PNMA6E: variants seen among roughly 807,000 people sequenced by gnomAD.
PNMA6E encodes paraneoplastic antigen Ma6E.
For missense variants in PNMA6E, 78 were observed against 50.8 expected, an observed-to-expected ratio of 1.53 and a Z score of -1.63; for synonymous variants, 43 against 17.1, an observed-to-expected ratio of 2.52 and a Z score of -3.74.
chrX:153,397,115 A>G lies in PNMA6E; in HGVS notation c.1735T>C (p.Trp579Arg). The part of the protein sequence containing the change: ...LGQARPIEVP[W>R]GSSPARMSSA... ...CTCATCCGGGCTGGGGAGGAGCCCC[A>G]GGGGACCTCTATGGGCCTTGCCTGA... Residue 579 changes from tryptophan to arginine, a missense_variant, in exon 2 of 2, where the codon TGG (tryptophan) becomes CGG (arginine). Coordinates refer to ENST00000445091, the MANE Select transcript of PNMA6E (RefSeq NM_001367770.1). The G allele has an allele frequency of 3.4e-6, 1 of 298,083 alleles. No individual in the cohort carries two copies. Among genetic ancestry groups the G allele is most frequent in the African/African-American group, 2.7e-5 (1 of 37,190 alleles). 24.6% of individuals were successfully genotyped at this position (298,083 alleles called of 1,213,427 possible).
intron 1 of PNMA6E, among the ~76,000 whole-genome samples, chrX:153,401,016 C>T (rs1240944566): frequency 9.0e-6 from 1 of 110,798 alleles, no homozygotes; most frequent in Non-Finnish European, 1.9e-5. Context: ...CTCCTTCCAA[C>T]CGCCCTCCCG....
At chrX:153,402,697 T>C (rs1556971598), upstream of PNMA6E, among the ~76,000 whole-genome samples, 1 of 112,532 alleles carries the variant, frequency 8.9e-6, no homozygotes, top group East Asian at 2.8e-4. Context: ...AGTCTTTCTG[T>C]AGCATTTATT....
intron 1 of PNMA6E, among the ~76,000 whole-genome samples, chrX:153,400,895 G>A (rs2124273398): frequency 9.7e-6 from 1 of 103,076 alleles, no homozygotes; most frequent in East Asian, 3.2e-4. Flanking sequence ...CACTGGGCGA[G>A]TCACCCTCCC....
At chrX:153,399,108 T>C (rs1453224838) in intron 1 of PNMA6E, among the ~76,000 whole-genome samples, 188 bp from the exon 2 acceptor site, 3 of 112,374 alleles carry the variant, frequency 2.7e-5, no homozygotes, top group African/African-American at 9.7e-5. Context: ...TAGTCACATT[T>C]TCTATGCTAC....
chrX:153,407,988 A>T, the PNMA6E span, among the ~76,000 whole-genome samples: 2 of 111,962 alleles, frequency 1.8e-5, no homozygotes, highest in Non-Finnish European at 3.8e-5. Context: ...CCAAGACTTG[A>T]GGTTGGAAAG....
upstream of PNMA6E, among the ~76,000 whole-genome samples, chrX:153,404,782 T>C (rs1053668314): frequency 1.2e-3 from 139 of 112,013 alleles, no homozygotes; most frequent in African/African-American, 4.4e-3. Context: ...CCCTCATGCT[T>C]TCCCTCTCCC....
chrX:153,411,920 A>T, the PNMA6E span, among the ~76,000 whole-genome samples: 7 of 112,559 alleles, frequency 6.2e-5, no homozygotes, highest in Non-Finnish European at 1.1e-4. Context: ...GGGCGCTGGG[A>T]GCTGCGGCCC....
In PNMA6E at chrX:153,398,777, C is replaced by T. The variant is rs1288242733; in HGVS notation, c.73G>A (p.Gly25Ser). 9.9e-6 allele frequency: 3 copies of T among 304,124 alleles called. No individual in the cohort carries two copies. The highest frequency in any genetic ancestry group is 1.7e-5 in the Non-Finnish European group (3 of 173,867). 25.1% of individuals were successfully genotyped at this position (304,124 alleles called of 1,213,427 possible). A position where few individuals can be genotyped will look rare whatever the true frequency, so the allele number is the denominator to read the frequency against. The change falls in exon 2 of 2, where the codon GGT (glycine) becomes AGT (serine). Residue 25 changes from glycine to serine, a missense_variant. Transcript: ENST00000445091. ...TGTTCCTTGCAGTCATCAGGGATAC[C>T]CAGGATGAGCAGGGAGCGCTCTGCG... ...ANAERSLLIL[G>S]IPDDCKEHEF...
the PNMA6E span, among the ~76,000 whole-genome samples, chrX:153,406,981 A>C: frequency 8.9e-6 from 1 of 112,607 alleles, no homozygotes; most frequent in Non-Finnish European, 1.9e-5. Flanking sequence ...GGCCTTTGAC[A>C]CAGGCGTGTT....
upstream of PNMA6E, chrX:153,404,097 C>T (rs1295818207): frequency 9.6e-6 from 1 of 104,048 alleles, no homozygotes; most frequent in Non-Finnish European, 2.0e-5. Context: ...CCCACCTCAG[C>T]CTCCCAAGTA....
At chrX:153,412,958 T>C in the PNMA6E span, among the ~76,000 whole-genome samples, 2 of 111,707 alleles carry the variant, frequency 1.8e-5, no homozygotes, top group African/African-American at 6.5e-5. Context: ...AGAGGACTTT[T>C]TCAGGCTAGG....
upstream of PNMA6E, among the ~76,000 whole-genome samples, chrX:153,403,617 A>G (rs1470125400): frequency 7.2e-5 from 8 of 111,742 alleles, no homozygotes; most frequent in African/African-American, 2.6e-4. Context: ...GAAAAAATTC[A>G]TAATCAGTGA....
At chrX:153,410,216 G>A in the PNMA6E span, among the ~76,000 whole-genome samples, 1 of 111,517 alleles carries the variant, frequency 9.0e-6, no homozygotes, top group Non-Finnish European at 1.9e-5. Context: ...AACTGTCCTT[G>A]GATTTGGGGC....
rs1367470338 is a variant in PNMA6E at position 153,396,313 on chromosome X, A to T, written c.*593T>A. On this transcript the variant is annotated 3_prime_UTR_variant, in exon 2 of 2. Transcript: ENST00000445091. ...AGCAAGCAGAGCCTGGGCTCGCAGG[A>T]AGCTCACAGCACGTGCCCCGGGCCC... is the stretch of plus-strand genomic sequence containing the variant. 1.6e-5 allele frequency: 2 copies of T among 121,467 alleles called. No individual in the cohort carries two copies. Among genetic ancestry groups the T allele is most frequent in the African/African-American group, 6.4e-5 (2 of 31,059 alleles). The allele number at this position is 121,467 out of a possible 1,213,427, so 10.0% of individuals were successfully genotyped here.
intron 1 of PNMA6E, among the ~76,000 whole-genome samples, chrX:153,400,624 G>A (rs782109115): frequency 1.1e-5 from 1 of 95,108 alleles, no homozygotes; most frequent in African/African-American, 4.1e-5. Flanking sequence ...CCTCCGCTCT[G>A]GTCGGCCCTC....
At chrX:153,409,301 C>T in the PNMA6E span, among the ~76,000 whole-genome samples, 1 of 113,064 alleles carries the variant, frequency 8.8e-6, no homozygotes, top group Non-Finnish European at 1.9e-5. Context: ...TCTTCCTCCC[C>T]AGGTTCTGAA....
chrX:153,410,361 C>T, the PNMA6E span, among the ~76,000 whole-genome samples: 1 of 111,923 alleles, frequency 8.9e-6, no homozygotes, highest in East Asian at 2.8e-4. Flanking sequence ...CAAGGGGCAC[C>T]AACCAGTCAC....
Position 153,398,139 on chromosome X carries a change from C to T in PNMA6E, c.711G>A (p.Glu237=), listed in dbSNP as rs2088823664. ...CTCCTGCCTCACCTGCTGCTCCTGC[C>T]TCACCTGCGCCTCCTGCCTCACCTG... ...GAAGEAGGAG[E]AGAAGEAGGA... is the part of the protein sequence containing the mutation. Residue 237 remains glutamate (E), a synonymous_variant, in exon 2 of 2, where the codon GAG becomes GAA. Coordinates refer to ENST00000445091, the MANE Select transcript of PNMA6E (RefSeq NM_001367770.1). 1 of 446,068 alleles carries T rather than the reference C, an allele frequency of 2.2e-6. No homozygotes were observed. Among genetic ancestry groups the T allele is most frequent in the South Asian group, 3.4e-5 (1 of 29,318 alleles). 36.8% of individuals were successfully genotyped at this position (446,068 alleles called of 1,213,427 possible). A position where few individuals can be genotyped will look rare whatever the true frequency, so the allele number is the denominator to read the frequency against.
chrX:153,404,497 T>G (rs782072847), upstream of PNMA6E, among the ~76,000 whole-genome samples: 35 of 110,728 alleles, frequency 3.2e-4, no homozygotes, highest in Non-Finnish European at 6.1e-4. Flanking sequence ...TTATTGTTGT[T>G]GTGGTGGTGG....
Sources: gnomAD v4.1 joint callset for allele counts (sites outside exome capture counted in the v4.1 genomes callset) on GRCh38, gnomAD v4.1.1 for gene constraint, MANE v1.5 for transcripts, NCBI Gene and HGNC (gene_info 2026-07-23, HGNC 2026-07-21) for gene names.